Variants in PCDH11X observed in about 807,000 individuals in gnomAD.
PCDH11X encodes the protein protocadherin 11 X-linked.
Under a neutral mutation model 53.3 loss-of-function variants are expected in PCDH11X, and 18 were observed. That is an observed-to-expected ratio of 0.34 (90% CI 0.23 to 0.50). The LOEUF (loss-of-function observed/expected upper bound fraction) is 0.50. Ranked by LOEUF, PCDH11X falls within the 20% of genes least tolerant of loss-of-function variation. PCDH11X has a pLI of 0.98. For missense variants in PCDH11X, 570 were observed against 1,032.4 expected, an observed-to-expected ratio of 0.55 and a Z score of 6.14; for synonymous variants, 279 against 393.3, an observed-to-expected ratio of 0.71 and a Z score of 3.44.
At chrX:92,104,338 G>C (rs762694163) in intron 6 of PCDH11X, among the ~76,000 whole-genome samples, 5 of 110,408 alleles carry the variant, frequency 4.5e-5, no homozygotes, top group African/African-American at 1.6e-4. Flanking sequence ...AAGACTCAGC[G>C]ACACTTGGGG....
chrX:92,425,702 G>A (rs1682910617), intron 9 of PCDH11X, among the ~76,000 whole-genome samples: 1 of 93,615 alleles, frequency 1.1e-5, no homozygotes, highest in South Asian at 6.0e-4. Flanking sequence ...ATCACTTAGG[G>A]TACGAGTACA....
chrX:91,953,434 A>C (rs1318666470), intron 6 of PCDH11X, among the ~76,000 whole-genome samples: 1 of 111,385 alleles, frequency 9.0e-6, no homozygotes, highest in Non-Finnish European at 1.9e-5. Context: ...AGGAAAAATA[A>C]ACAGGCAGAT....
chrX:92,606,007 G>A (rs1258969757), intron 10 of PCDH11X, among the ~76,000 whole-genome samples: 4 of 110,245 alleles, frequency 3.6e-5, no homozygotes, highest in South Asian at 3.8e-4. Flanking sequence ...CGAGGCGGGC[G>A]GATCACCTGA....
intron 8 of PCDH11X, among the ~76,000 whole-genome samples, chrX:92,271,519 C>A (rs1284477075): frequency 1.8e-5 from 2 of 111,699 alleles, no homozygotes; most frequent in Admixed American, 1.9e-4. Flanking sequence ...TTAAGTACCC[C>A]CAAGAGAACC....
At chrX:92,431,437 C>A (rs1388584048) in intron 9 of PCDH11X, among the ~76,000 whole-genome samples, 1 of 110,267 alleles carries the variant, frequency 9.1e-6, no homozygotes, top group Non-Finnish European at 1.9e-5. Context: ...TAAAATAGAA[C>A]TCAATTTTTG....
intron 5 of PCDH11X, among the ~76,000 whole-genome samples, chrX:91,840,374 A>G (rs1392000489): frequency 9.0e-6 from 1 of 111,378 alleles, no homozygotes; most frequent in African/African-American, 3.3e-5. Context: ...ACTTTTTCTC[A>G]GGTTAGTGAT....
chrX:92,509,251 T>TG lies in PCDH11X; in HGVS notation c.3367+40932dup, dbSNP rs201433308. On this transcript the variant is annotated intron_variant, in intron 10 of 10. Transcript: ENST00000682573. ...AAGATTTGCTTCTTAGCTCAAATGA[T>TG]GGGATGGAAATTTTCACTGTAGATG... 6.8e-3 allele frequency among the ~76,000 whole-genome samples: 751 copies of TG among 110,663 alleles called. 8 individuals carry two copies. The highest frequency in any genetic ancestry group is 0.024 in the African/African-American group (720 of 30,488).
In PCDH11X at chrX:92,502,351, C is replaced by T. The variant is rs1027816164; in HGVS notation, c.3367+34029C>T. ...ATTAAACTACCATTGACATTCTTCA[C>T]GGAATTAAAAAAAAAAACTATTTTA... On this transcript the variant is annotated intron_variant, in intron 10 of 10. Coordinates refer to ENST00000682573, the MANE Select transcript of PCDH11X (RefSeq NM_032968.5). Among the ~76,000 whole-genome samples the T allele has an allele frequency of 6.8e-5, 6 of 88,298 alleles. No homozygotes were observed. The East Asian group carries it at 9.2e-4, about 14-fold the overall frequency. 76.7% of individuals were successfully genotyped at this position (88,298 alleles called of 115,157 possible). A position where few individuals can be genotyped will look rare whatever the true frequency, so the allele number is the denominator to read the frequency against.
chrX:92,347,209 A>G (rs984527101), intron 8 of PCDH11X, among the ~76,000 whole-genome samples: 3 of 111,677 alleles, frequency 2.7e-5, no homozygotes, highest in Non-Finnish European at 5.7e-5. Context: ...CCATGTTACT[A>G]CTAGTTAGAA....
At chrX:91,928,207 C>A (rs1045958353) in intron 6 of PCDH11X, among the ~76,000 whole-genome samples, 5 of 107,809 alleles carry the variant, frequency 4.6e-5, no homozygotes, top group Non-Finnish European at 9.6e-5. Context: ...TAAAAAAGAC[C>A]AAGCTACTTA....
chrX:92,344,866 A>G (rs1036069336), intron 8 of PCDH11X, among the ~76,000 whole-genome samples: 1 of 108,077 alleles, frequency 9.3e-6, no homozygotes. Flanking sequence ...AATAATGAGG[A>G]TAAATCTGAT....
intron 6 of PCDH11X, among the ~76,000 whole-genome samples, chrX:92,057,020 C>A (rs1457464549): frequency 9.0e-6 from 1 of 110,778 alleles, no homozygotes; most frequent in Non-Finnish European, 1.9e-5. Context: ...CACTCAAGTG[C>A]AATAAAGCGA....
intron 6 of PCDH11X, chrX:91,883,410 C>A (rs772054125): frequency 6.7e-6 from 5 of 746,283 alleles, no homozygotes; most frequent in East Asian, 3.1e-4. Context: ...AGACCCCAAA[C>A]AAACAAAAAA....
chrX:92,012,113 G>A (rs1353075367), intron 6 of PCDH11X, among the ~76,000 whole-genome samples: 3 of 110,036 alleles, frequency 2.7e-5, no homozygotes, highest in Non-Finnish European at 5.7e-5. Flanking sequence ...AAAAACATTA[G>A]ACACAACTTG....
intron 6 of PCDH11X, among the ~76,000 whole-genome samples, chrX:92,050,292 ATAAGT>A (rs2063350072): frequency 1.1e-5 from 1 of 88,448 alleles, no homozygotes; most frequent in Non-Finnish European, 2.0e-5. Flanking sequence ...TTTTCAGAAG[ATAAGT>A]TAGGTATGGA....
At chrX:92,380,406 A>T (rs2522600) in intron 8 of PCDH11X, among the ~76,000 whole-genome samples, 45,122 of 111,017 alleles carry the variant, frequency 0.41, 7,094 homozygotes, top group Non-Finnish European at 0.5. Context: ...GAATAAGCCC[A>T]GTGGGCCCGA....
intron 6 of PCDH11X, among the ~76,000 whole-genome samples, chrX:92,174,668 A>ACGTC (rs1407098939): frequency 8.9e-6 from 1 of 111,812 alleles, no homozygotes; most frequent in African/African-American, 3.2e-5. Flanking sequence ...AGCTCTGATA[A>ACGTC]CGTCCGCTAA....
rs760048928 is a variant in PCDH11X, at chrX:92,391,368, A to G, written c.3343+3435A>G. Among the ~76,000 whole-genome samples the G allele has an allele frequency of 2.7e-5, 3 of 109,141 alleles. No homozygotes were observed. In the East Asian group the frequency reaches 8.7e-4, roughly 32 times the overall value. 94.8% of individuals were successfully genotyped at this position (109,141 alleles called of 115,157 possible). On this transcript the variant is annotated intron_variant, in intron 9 of 10. Transcript: ENST00000682573. ...ATGGAGACACATGTGGCCCTGGTAA[A>G]GAACAAGTTGTGAGTCTACTTTTGA...
Position 91,915,019 on chromosome X carries a change from G to T in PCDH11X, c.3033+35746G>T, listed in dbSNP as rs192857149. On this transcript the variant is annotated intron_variant, in intron 6 of 10. Coordinates refer to ENST00000682573, the MANE Select transcript of PCDH11X (RefSeq NM_032968.5). ...CAAAAGCATCAGATAACCTATAAAGGAAAACCTATCAAATTAACAGCAGAC... is the reference window on the plus strand; with the variant it reads ...CAAAAGCATCAGATAACCTATAAAGTAAAACCTATCAAATTAACAGCAGAC... Among the ~76,000 whole-genome samples, 818 of 109,302 alleles carry T rather than the reference G, an allele frequency of 7.5e-3. 9 individuals are homozygous for T. The highest frequency in any genetic ancestry group is 0.026 in the African/African-American group (788 of 30,005). The allele number at this position is 109,302 out of a possible 115,157, so 94.9% of individuals were successfully genotyped here. A position where few individuals can be genotyped will look rare whatever the true frequency, so the allele number is the denominator to read the frequency against.
Sources: gnomAD v4.1 joint callset for allele counts (sites outside exome capture counted in the v4.1 genomes callset) on GRCh38, gnomAD v4.1.1 for gene constraint, MANE v1.5 for transcripts, NCBI Gene and HGNC (gene_info 2026-07-23, HGNC 2026-07-21) for gene names.